ACOX3: variants seen among roughly 807,000 people sequenced by gnomAD.
The protein encoded by ACOX3 is acyl-CoA oxidase 3, pristanoyl, also known as peroxisomal acyl-coenzyme A oxidase 3.
In ACOX3, 73 loss-of-function variants were observed where a neutral mutation model predicts 81.5. The observed-to-expected ratio is 0.90, with a 90% confidence interval of 0.74 to 1.09. The LOEUF (loss-of-function observed/expected upper bound fraction) is 1.09, where lower values mean the gene tolerates loss of function less well. ACOX3 is among the 50% of genes least tolerant of loss of function. The pLI, the probability that ACOX3 is intolerant of heterozygous loss-of-function variation, is 0.00. For missense variants in ACOX3, 947 were observed against 928.0 expected (o/e 1.02, Z -0.27); for synonymous variants, 387 against 375.1 (o/e 1.03, Z -0.37).
intron 17 of ACOX3, among the ~76,000 whole-genome samples, chr4:8,367,493 AAAC>A (rs1319521830): frequency 4.6e-5 from 7 of 152,102 alleles, no homozygotes; most frequent in Non-Finnish European, 8.8e-5. Context: ...CAAAACAAAC[AAAC>A]AACAACAACA....
chr4:8,404,412 C>T (rs1720703037), intron 7 of ACOX3, among the ~76,000 whole-genome samples: 1 of 150,380 alleles, frequency 6.6e-6, no homozygotes, highest in Non-Finnish European at 1.5e-5. Flanking sequence ...GTTAGGAGGG[C>T]TGTGCATATG....
chr4:8,414,313 G>T lies in ACOX3; in HGVS notation c.522C>A (p.Ala174=). The part of the protein sequence containing the change: ...GSNTKAIRTT[A]HYDPATEEFI... Reference sequence around the variant, plus strand: ...CTACCTCAGTGGCAGGATCGTAGTGGGCAGTTGTGCGAATGGCCTTGGTAT... The same window carrying T: ...CTACCTCAGTGGCAGGATCGTAGTGTGCAGTTGTGCGAATGGCCTTGGTAT... Residue 174 remains alanine, a synonymous_variant, in exon 5 of 18, where the codon GCC becomes GCA. Coordinates refer to ENST00000356406, the MANE Select transcript of ACOX3 (RefSeq NM_003501.3). The surrounding 1 kb of genome is among the most constrained non-coding windows in gnomAD (Gnocchi z 6.1). 6.2e-7 allele frequency: 1 copy of T among 1,614,036 alleles called. No individual in the cohort carries two copies.
At chr4:8,397,385 A>G (rs568302383) in intron 8 of ACOX3, among the ~76,000 whole-genome samples, 4 of 152,308 alleles carry the variant, frequency 2.6e-5, no homozygotes, top group African/African-American at 9.6e-5. Context: ...AGGGAATGGT[A>G]TGACAGCGCT....
rs201011526 is a variant in ACOX3 at position 8,389,590 on chromosome 4, C to G, written c.1423+22G>C. On this transcript the variant is annotated intron_variant, in intron 12 of 17. Coordinates refer to ENST00000356406, the MANE Select transcript of ACOX3 (RefSeq NM_003501.3). This position sits in a 1 kb window ranked among gnomAD's most constrained non-coding sequence, Gnocchi z 5.3. ...CCCCAGTTGGGTTCCAGCGCCCCCACCAGTGTGCAGCAGAGCCTCACCGTG... is the reference window on the plus strand; with the variant it reads ...CCCCAGTTGGGTTCCAGCGCCCCCAGCAGTGTGCAGCAGAGCCTCACCGTG... 1.2e-6 allele frequency: 2 copies of G among 1,613,314 alleles called. No individual in the cohort carries two copies. Among genetic ancestry groups the G allele is most frequent in the Admixed American group, 1.7e-5 (1 of 60,028 alleles).
rs1722319696 is a variant in ACOX3, at chr4:8,416,251, G to C, written c.144+127C>G. 3 of 1,492,530 alleles carry C rather than the reference G, an allele frequency of 2.0e-6. No individual in the cohort carries two copies. Among genetic ancestry groups the C allele is most frequent in the Non-Finnish European group, 2.8e-6 (3 of 1,079,198 alleles). The allele number at this position is 1,492,530 out of a possible 1,614,324, so 92.5% of individuals were successfully genotyped here. A position where few individuals can be genotyped will look rare whatever the true frequency, so the allele number is the denominator to read the frequency against. ...TGTCCTGGGGTGCAGAGAGGAGAGA[G>C]GCCGCGCTGCCTGGGATGAGCCTCG... On this transcript the variant is annotated intron_variant, in intron 2 of 17. Transcript: ENST00000356406. This position sits in a 1 kb window ranked among gnomAD's most constrained non-coding sequence, Gnocchi z 4.2.
chr4:8,424,273 G>T (rs894686088), intron 1 of ACOX3, among the ~76,000 whole-genome samples: 24 of 152,240 alleles, frequency 1.6e-4, no homozygotes, highest in Non-Finnish European at 2.1e-4. Context: ...TACCCATTTA[G>T]TAAGAAGGAC....
chr4:8,374,502 T>G (rs1716670572), intron 15 of ACOX3: 1 of 154,892 alleles, frequency 6.5e-6, no homozygotes, highest in Admixed American at 6.5e-5. Context: ...AAAAACCACC[T>G]AAAAAGCTTC....
intron 1 of ACOX3, among the ~76,000 whole-genome samples, chr4:8,439,555 T>G (rs1724463928): frequency 6.6e-6 from 1 of 152,258 alleles, no homozygotes; most frequent in African/African-American, 2.4e-5. Context: ...TAAAAACTCC[T>G]ATTATTAAGA....
chr4:8,378,747 C>T (rs1233981720), intron 14 of ACOX3, among the ~76,000 whole-genome samples: 2 of 152,224 alleles, frequency 1.3e-5, no homozygotes, highest in Non-Finnish European at 2.9e-5. Context: ...CCTTTCTGTG[C>T]ATGCCAGGCT....
intron 13 of ACOX3, among the ~76,000 whole-genome samples, chr4:8,388,861 G>A (rs555003349): frequency 6.6e-6 from 1 of 152,328 alleles, no homozygotes; most frequent in Admixed American, 6.5e-5. Context: ...GGCAGAGGCT[G>A]CTTAGTGGAC....
rs892086728 is a variant in ACOX3 at position 8,437,863 on chromosome 4, A to G, written c.-15+2785T>C. Among the ~76,000 whole-genome samples, 4 of 152,226 alleles carry G rather than the reference A, an allele frequency of 2.6e-5. No individual in the cohort carries two copies. Among genetic ancestry groups the G allele is most frequent in the Non-Finnish European group, 4.4e-5 (3 of 68,036 alleles). Reference sequence around the variant, plus strand: ...CTGGCAGGAGCTAAAGAATGTAAAGACTAGGGCAGACTAGGCACCTTCTTA... The same window carrying G: ...CTGGCAGGAGCTAAAGAATGTAAAGGCTAGGGCAGACTAGGCACCTTCTTA... On this transcript the variant is annotated intron_variant, in intron 1 of 17. Transcript: ENST00000356406. This position sits in a 1 kb window ranked among gnomAD's most constrained non-coding sequence, Gnocchi z 5.2.
chr4:8,408,757 T>C (rs1282185743), intron 6 of ACOX3, among the ~76,000 whole-genome samples: 2 of 152,074 alleles, frequency 1.3e-5, no homozygotes, highest in Non-Finnish European at 2.9e-5. Flanking sequence ...CATGAGATGG[T>C]TGCAGACCCC....
At chr4:8,403,912 T>C (rs1720635431) in intron 7 of ACOX3, among the ~76,000 whole-genome samples, 1 of 152,292 alleles carries the variant, frequency 6.6e-6, no homozygotes, top group Non-Finnish European at 1.5e-5. Flanking sequence ...ACCACCGCCA[T>C]ATGCCCGGGT....
chr4:8,363,479 A>G (rs1306727398), downstream of ACOX3, among the ~76,000 whole-genome samples: 3 of 152,188 alleles, frequency 2.0e-5, no homozygotes, highest in African/African-American at 7.2e-5. Flanking sequence ...AGGCAGGAGT[A>G]TCATGGACCC....
intron 1 of ACOX3, 100 bp downstream of exon 1, chr4:8,440,548 A>G (rs372415319): frequency 2.1e-4 from 86 of 418,312 alleles, no homozygotes; most frequent in African/African-American, 1.6e-3. Flanking sequence ...ACTGAGGACA[A>G]TGCGTTCCAC....
intron 1 of ACOX3, among the ~76,000 whole-genome samples, chr4:8,435,908 T>C (rs2688245): frequency 1 from 151,495 of 152,154 alleles, 75,425 homozygotes; most frequent in South Asian, 1. Context: ...GGAGCTAACA[T>C]GCCCCAGGTC....
At chr4:8,392,181 G>A in intron 11 of ACOX3, 152 bp downstream of exon 11, 1 of 970,192 alleles carries the variant, frequency 1.0e-6, no homozygotes, top group Non-Finnish European at 1.4e-6. Flanking sequence ...CAAATGAACG[G>A]GGGTGGCTGG....
At chr4:8,392,488 A>G in intron 10 of ACOX3, 35 bp from the exon 11 acceptor site, 1 of 1,506,172 alleles carries the variant, frequency 6.6e-7, no homozygotes, top group Non-Finnish European at 8.9e-7. Context: ...AACAGGTGAA[A>G]AGAGACTTTA....
intron 1 of ACOX3, among the ~76,000 whole-genome samples, chr4:8,440,068 T>C (rs970883661): frequency 1.3e-5 from 2 of 152,254 alleles, no homozygotes; most frequent in Non-Finnish European, 2.9e-5. Flanking sequence ...CCAGACATTG[T>C]ATGAAAAAAG....
Sources: allele counts gnomAD v4.1 joint callset (sites outside exome capture counted in the v4.1 genomes callset), GRCh38; gene constraint gnomAD v4.1.1; non-coding constraint Gnocchi (gnomAD v3.1); transcripts MANE v1.5; gene names NCBI Gene and HGNC (gene_info 2026-07-23, HGNC 2026-07-21).